GRIN3A: variants seen among roughly 807,000 people sequenced by gnomAD.
GRIN3A encodes glutamate ionotropic receptor NMDA type subunit 3A, also known as glutamate receptor ionotropic, NMDA 3A.
A neutral mutation model predicts 92.4 loss-of-function variants in GRIN3A; 47 were observed. The ratio of observed to expected loss-of-function variants is 0.51; its 90% confidence interval spans 0.40 to 0.65. GRIN3A has a LOEUF of 0.65. GRIN3A is among the 30% of genes least tolerant of loss of function. The pLI, the probability that GRIN3A is intolerant of heterozygous loss-of-function variation, is 0.00. For missense variants in GRIN3A, 1,324 were observed against 1,393.1 expected, an observed-to-expected ratio of 0.95 and a Z score of 0.79; for synonymous variants, 527 against 540.6, an observed-to-expected ratio of 0.97 and a Z score of 0.35.
intron 6 of GRIN3A, among the ~76,000 whole-genome samples, chr9:101,590,387 TA>T (rs1588238362): frequency 2.9e-5 from 4 of 136,754 alleles, no homozygotes; most frequent in East Asian, 2.1e-4. Context: ...TTTATTTATT[TA>T]TTTATTTTTT....
chr9:101,574,984 C>G (rs1286148695), intron 8 of GRIN3A, among the ~76,000 whole-genome samples: 1 of 152,178 alleles, frequency 6.6e-6, no homozygotes, highest in African/African-American at 2.4e-5. Flanking sequence ...ATGAGCAAAC[C>G]CAGCCAAATT....
At chr9:101,726,804 G>A (rs1259196769) in intron 1 of GRIN3A, among the ~76,000 whole-genome samples, 1 of 151,482 alleles carries the variant, frequency 6.6e-6, no homozygotes, top group African/African-American at 2.4e-5. Context: ...ATATATTTAT[G>A]GGGTACATAA....
chr9:101,668,172 C>T (rs1279693314), intron 3 of GRIN3A, among the ~76,000 whole-genome samples: 1 of 152,050 alleles, frequency 6.6e-6, no homozygotes, highest in Non-Finnish European at 1.5e-5. Flanking sequence ...AATAATTTCA[C>T]TGCTGCGTAT....
chr9:101,630,343 C>T (rs1828694732), intron 3 of GRIN3A, among the ~76,000 whole-genome samples: 1 of 152,166 alleles, frequency 6.6e-6, no homozygotes, highest in South Asian at 2.1e-4. Flanking sequence ...AACATAACTA[C>T]TTATTTATCT....
In GRIN3A at chr9:101,613,984, A is replaced by G. The variant is rs972917640; in HGVS notation, c.2615-457T>C. Among the ~76,000 whole-genome samples, 246 of 152,240 alleles carry G rather than the reference A, an allele frequency of 1.6e-3. 1 individual carries two copies. The highest frequency in any genetic ancestry group is 5.7e-3 in the African/African-American group (235 of 41,544). ...CTCTTACTTTTTAAATTTATTTTTAATTTTTGAATAATATAATAAAACCAT... is the reference window on the plus strand; with the variant it reads ...CTCTTACTTTTTAAATTTATTTTTAGTTTTTGAATAATATAATAAAACCAT... On this transcript the variant is annotated intron_variant, in intron 5 of 8. Transcript: ENST00000361820.
chr9:101,672,491 T>G lies in GRIN3A; in HGVS notation c.1305-1384A>C, dbSNP rs28397028. 7.5e-3 allele frequency among the ~76,000 whole-genome samples: 1,146 copies of G among 152,192 alleles called. 12 individuals are homozygous for G. The highest frequency in any genetic ancestry group is 0.027 in the African/African-American group (1,106 of 41,524). ...AATTAAAAGAAATTAAATTGAAATGTAGAGTGGAACACAGTAGGTATTTTG... is the reference window on the plus strand; with the variant it reads ...AATTAAAAGAAATTAAATTGAAATGGAGAGTGGAACACAGTAGGTATTTTG... On this transcript the variant is annotated intron_variant, in intron 2 of 8. Transcript: ENST00000361820.
rs1444568519 is a variant in GRIN3A, at chr9:101,695,176, T to G, written c.700-7976A>C. On this transcript the variant is annotated intron_variant, in intron 1 of 8. Coordinates refer to ENST00000361820, the MANE Select transcript of GRIN3A (RefSeq NM_133445.3). ...ATAATGATGGTGACCATGTTGAGAT[T>G]AGGAAGTTTACACTAAGAGACCTGA... is the stretch of plus-strand genomic sequence containing the variant. Among the ~76,000 whole-genome samples, 4 of 152,138 alleles carry G rather than the reference T, an allele frequency of 2.6e-5. No individual in the cohort carries two copies. The East Asian group carries it at 7.7e-4, about 29-fold the overall frequency.
intron 1 of GRIN3A, among the ~76,000 whole-genome samples, chr9:101,716,771 T>C (rs1034625389): frequency 1.3e-5 from 2 of 152,224 alleles, no homozygotes; most frequent in East Asian, 1.9e-4. Flanking sequence ...GGTGTTGAAC[T>C]GGTGACCCTC....
chr9:101,709,911 T>C (rs1293535932), intron 1 of GRIN3A, among the ~76,000 whole-genome samples: 1 of 152,224 alleles, frequency 6.6e-6, no homozygotes. Flanking sequence ...TGTCATTTTA[T>C]GATCTATCAA....
At chr9:101,634,694 G>A (rs907807301) in intron 3 of GRIN3A, among the ~76,000 whole-genome samples, 1 of 152,054 alleles carries the variant, frequency 6.6e-6, no homozygotes, top group Non-Finnish European at 1.5e-5. Flanking sequence ...TCCAAGTCTT[G>A]TGAAAATCCA....
intron 6 of GRIN3A, chr9:101,594,477 A>G: frequency 6.2e-7 from 1 of 1,614,140 alleles, no homozygotes; most frequent in Non-Finnish European, 8.5e-7. Flanking sequence ...TCCTCAAAGG[A>G]TATCTTCCCA....
At chr9:101,643,778 T>A (rs1828898212) in intron 3 of GRIN3A, among the ~76,000 whole-genome samples, 1 of 150,620 alleles carries the variant, frequency 6.6e-6, no homozygotes, top group Non-Finnish European at 1.5e-5. Context: ...GGATATTATG[T>A]TAAATGAAAT....
At chr9:101,685,964 C>G (rs1349279699) in intron 2 of GRIN3A, among the ~76,000 whole-genome samples, 7 of 152,078 alleles carry the variant, frequency 4.6e-5, no homozygotes, top group African/African-American at 1.7e-4. Context: ...TTAAGTCACT[C>G]AAGTAGTAAG....
At chr9:101,607,119 A>G (rs1588245580) in intron 6 of GRIN3A, among the ~76,000 whole-genome samples, 3 of 151,306 alleles carry the variant, frequency 2.0e-5, no homozygotes, top group South Asian at 4.2e-4. Context: ...GCAATTTCCT[A>G]AGTGACTCTG....
intron 6 of GRIN3A, among the ~76,000 whole-genome samples, chr9:101,605,207 G>T (rs890410622): frequency 6.6e-6 from 1 of 152,224 alleles, no homozygotes; most frequent in African/African-American, 2.4e-5. Context: ...CAAGTTTACA[G>T]AAGTGAAGTG....
chr9:101,702,125 A>C (rs143553097), intron 1 of GRIN3A, among the ~76,000 whole-genome samples: 290 of 152,220 alleles, frequency 1.9e-3, no homozygotes, highest in African/African-American at 6.7e-3. Flanking sequence ...AACATGGTGA[A>C]GCTCTGTCTC....
rs79404655 is a variant in GRIN3A, at chr9:101,613,519, T to A, written c.2623A>T (p.Ile875Phe). 1.3e-4 allele frequency: 217 copies of A among 1,614,206 alleles called. No individual in the cohort carries two copies. In the African/African-American group the frequency reaches 2.6e-3, roughly 20 times the overall value. Residue 875 changes from isoleucine (I) to phenylalanine (F), a missense_variant, in exon 6 of 9, where the codon ATT becomes TTT. Physicochemically the swap from Ile to Phe is conservative, Grantham distance 21. Coordinates refer to ENST00000361820, the MANE Select transcript of GRIN3A (RefSeq NM_133445.3). ...GKPFAIEGYGIGLPPNSPLTA... is the reference protein window; with the variant it reads ...GKPFAIEGYGFGLPPNSPLTA... ...AATGGAGAGTTGGGTGGGAGGCCAA[T>A]GCCGTATCCTAGAAGAAAATACAAT...
At position 101,737,994 on chromosome 9, in the gene GRIN3A, G is replaced by A. The variant is rs1830241632; in HGVS notation, c.-15C>T. The A allele has an allele frequency of 6.5e-7, 1 of 1,531,118 alleles. No individual in the cohort carries two copies. 94.8% of individuals were successfully genotyped at this position (1,531,118 alleles called of 1,614,324 possible). ...AGTCTCCTCATTACTGAGACCCGCA[G>A]GGAGAAAGCGCGCCCCCTCCTGCGC... On this transcript the variant is annotated 5_prime_UTR_variant, in exon 1 of 9. Transcript: ENST00000361820.
At chr9:101,625,478 T>C (rs541434745) in intron 4 of GRIN3A, among the ~76,000 whole-genome samples, 17 of 152,188 alleles carry the variant, frequency 1.1e-4, no homozygotes, top group Non-Finnish European at 2.1e-4. Context: ...GGGTCATGTA[T>C]AGACACATAG....
Sources: gnomAD v4.1 joint callset for allele counts (sites outside exome capture counted in the v4.1 genomes callset) on GRCh38, gnomAD v4.1.1 for gene constraint, MANE v1.5 for transcripts, NCBI Gene and HGNC (gene_info 2026-07-23, HGNC 2026-07-21) for gene names.